Variants in SYNE2 observed in about 807,000 individuals in gnomAD.
The protein encoded by SYNE2 is nesprin-2.
Under a neutral mutation model 856.3 loss-of-function variants are expected in SYNE2, and 431 were observed. The observed-to-expected ratio is 0.50, with a 90% CI of 0.47 to 0.55. The LOEUF is 0.55. Among genes scored for constraint, SYNE2 ranks in the 20% least tolerant of loss-of-function variants. The pLI is 0.00. For missense variants in SYNE2, 8,129 were observed against 8,023.2 expected (o/e 1.01, Z -0.50); for synonymous variants, 2,923 against 2,872.3 (o/e 1.02, Z -0.56).
At chr14:63,961,872 T>G (rs984829057) in intron 9 of SYNE2, among the ~76,000 whole-genome samples, 1 of 151,964 alleles carries the variant, frequency 6.6e-6, no homozygotes, top group Non-Finnish European at 1.5e-5. Context: ...TACTGTAGAT[T>G]AGTGTTGAAT....
intron 1 of SYNE2, among the ~76,000 whole-genome samples, chr14:63,889,031 G>A (rs1485984082): frequency 7.9e-6 from 1 of 126,120 alleles, no homozygotes; most frequent in Non-Finnish European, 1.6e-5. Flanking sequence ...GTGAAAACTT[G>A]TCTCTACTAA....
At chr14:64,219,469 A>G (rs905758309) in intron 110 of SYNE2, 59 bp downstream of exon 110, 110 of 1,551,770 alleles carry the variant, frequency 7.1e-5, no homozygotes, top group Admixed American at 8.5e-5. Flanking sequence ...ACGCATTGCT[A>G]TGCTGGACGA....
chr14:64,072,503 CTTTT>C (rs35527459), intron 52 of SYNE2, among the ~76,000 whole-genome samples: 1 of 143,854 alleles, frequency 7.0e-6, no homozygotes. Flanking sequence ...TATACTTCTC[CTTTT>C]TTTTTTTTTT....
At chr14:63,818,756 T>C (rs1889104416) in intron 1 of SYNE2, among the ~76,000 whole-genome samples, 1 of 149,266 alleles carries the variant, frequency 6.7e-6, no homozygotes, top group Non-Finnish European at 1.5e-5. Context: ...TGGAGTGCAG[T>C]GGCTCGATCT....
intron 45 of SYNE2, among the ~76,000 whole-genome samples, chr14:64,043,753 C>G (rs1370725482): frequency 2.0e-5 from 3 of 152,216 alleles, no homozygotes; most frequent in African/African-American, 7.2e-5. Flanking sequence ...GTGGAAACAC[C>G]TGGATGCCAA....
rs2097488863 is a variant in SYNE2 at position 64,078,472 on chromosome 14, A to G, written c.11029A>G (p.Asn3677Asp). 3 of 1,613,906 alleles carry G rather than the reference A, an allele frequency of 1.9e-6. No homozygotes were observed. The highest frequency in any genetic ancestry group is 2.5e-6 in the Non-Finnish European group (3 of 1,179,966). ...ALEDIDEKIS[N>D]EVLKSSPSYA... ...GTCTTTGTCTCTTTCACAGATTAGC[A>G]ATGAAGTCTTAAAAAGCTCACCATC... Residue 3677 changes from asparagine (N) to aspartate (D), a missense_variant, in exon 55 of 116, where the codon AAT becomes GAT. Asn to Asp is a conservative substitution (Grantham distance 23). Transcript: ENST00000555002.
At chr14:64,067,075 C>T (rs1051240674) in intron 51 of SYNE2, among the ~76,000 whole-genome samples, 1 of 152,162 alleles carries the variant, frequency 6.6e-6, no homozygotes, top group African/African-American at 2.4e-5. Flanking sequence ...CACATTATTG[C>T]TATATACCCA....
intron 63 of SYNE2, among the ~76,000 whole-genome samples, chr14:64,101,217 A>T (rs1198667935): frequency 1.3e-5 from 2 of 151,956 alleles, no homozygotes; most frequent in South Asian, 4.2e-4. Context: ...GAACTTTGAT[A>T]CTGTACCAAT....
Position 64,007,055 on chromosome 14 carries a change from A to T in SYNE2, c.4410A>T (p.Leu1470Phe). 1 of 1,612,998 alleles carries T rather than the reference A, an allele frequency of 6.2e-7. No individual in the cohort carries two copies. Among genetic ancestry groups the T allele is most frequent in the East Asian group, 2.2e-5 (1 of 44,860 alleles). Residue 1470 changes from leucine (L) to phenylalanine (F), a missense_variant, in exon 31 of 116, where the codon TTA becomes TTT. Physicochemically the swap from Leu to Phe is conservative, Grantham distance 22. Transcript: ENST00000555002. ...VPAVKHRKKS[L>F]IRLDKVLDEY... ...ATTCATAATCAAGGAAAAAATCATT[A>T]ATCAGACTGGATAAGGTTCTAGATG...
intron 1 of SYNE2, among the ~76,000 whole-genome samples, chr14:63,823,121 A>C (rs1433468169): frequency 6.6e-6 from 1 of 152,096 alleles, no homozygotes; most frequent in African/African-American, 2.4e-5. Flanking sequence ...AATAAAAAAG[A>C]AAGAAATCTC....
chr14:63,947,465 A>G (rs1262235), intron 6 of SYNE2, among the ~76,000 whole-genome samples: 105,057 of 152,162 alleles, frequency 0.69, 36,483 homozygotes, highest in South Asian at 0.77. Context: ...AGAATGAATC[A>G]ATTTTGTATG....
At chr14:64,202,685 C>A in intron 99 of SYNE2, 116 bp from the exon 100 acceptor site, 2 of 1,358,614 alleles carry the variant, frequency 1.5e-6, no homozygotes, top group Non-Finnish European at 1.0e-6. Flanking sequence ...AAAATAGATT[C>A]TTTTTTACCC....
chr14:63,977,379 A>C (rs2096552381), intron 12 of SYNE2, among the ~76,000 whole-genome samples: 1 of 151,896 alleles, frequency 6.6e-6, no homozygotes, highest in African/African-American at 2.4e-5. Context: ...CACCCGGCTA[A>C]TTTTTTGTAT....
intron 96 of SYNE2, among the ~76,000 whole-genome samples, chr14:64,183,968 TGGGGAGGGGGA>T (rs1370657365): frequency 0.015 from 80 of 5,232 alleles, no homozygotes; most frequent in East Asian, 0.043. Flanking sequence ...AGGGAGGGGG[TGGGGAGGGGGA>T]GGGGAGGGGG....
At chr14:63,800,127 CTG>C (rs1488954045) in intron 1 of SYNE2, among the ~76,000 whole-genome samples, 1 of 152,210 alleles carries the variant, frequency 6.6e-6, no homozygotes, top group Admixed American at 6.5e-5. Context: ...CCCTTTAACT[CTG>C]TGACCTGTGT....
Position 64,165,420 on chromosome 14 carries a change from A to G in SYNE2, c.16605+10A>G, listed in dbSNP as rs761193543. On this transcript the variant is annotated intron_variant, in intron 90 of 115. Transcript: ENST00000555002. ...TCCTGACTCATTCCTGGTATTGCCA[A>G]TATTTGTCTTTTCTAAGGGCTTAGA... 9.9e-6 allele frequency: 16 copies of G among 1,613,312 alleles called. No homozygotes were observed. The highest frequency in any genetic ancestry group is 1.7e-5 in the Admixed American group (1 of 60,006).
In SYNE2 at chr14:63,976,714, T is replaced by C. The variant is rs1349119033; in HGVS notation, c.1280T>C (p.Met427Thr). 6.2e-7 allele frequency: 1 copy of C among 1,612,858 alleles called. No homozygotes were observed. Among genetic ancestry groups the C allele is most frequent in the Non-Finnish European group, 8.5e-7 (1 of 1,179,738 alleles). Residue 427 changes from methionine to threonine, a missense_variant, in exon 12 of 116, where the codon ATG becomes ACG. Met to Thr is a moderately conservative substitution (Grantham distance 81). Around this residue, in one of 3 missense-constraint regions of SYNE2, gnomAD observed 2,422 missense variants for 2,357.4 expected, o/e 1.03. Coordinates refer to ENST00000555002, the MANE Select transcript of SYNE2 (RefSeq NM_182914.3). ...SQAVTLIQEK[M>T]TLFKSLMDRF... ...GCCGTGACTCTGATACAAGAGAAAA[T>C]GACTTTATTCAAGGTTGGAAAAGAA...
intron 1 of SYNE2, among the ~76,000 whole-genome samples, chr14:63,903,416 G>A (rs959026800): frequency 1.1e-4 from 17 of 152,160 alleles, no homozygotes; most frequent in Admixed American, 3.3e-4. Flanking sequence ...TAGACATCCA[G>A]CTATTTTAAG....
At chr14:64,123,766 AATTCT>A (rs879866576) in intron 70 of SYNE2, among the ~76,000 whole-genome samples, 13 of 152,170 alleles carry the variant, frequency 8.5e-5, no homozygotes, top group Non-Finnish European at 1.3e-4. Context: ...AAGAGACTTG[AATTCT>A]ATTCTAATAG....
Sources: allele counts gnomAD v4.1 joint callset (sites outside exome capture counted in the v4.1 genomes callset), GRCh38; gene constraint gnomAD v4.1.1; regional missense constraint gnomAD v4.1.1; transcripts MANE v1.5; gene names NCBI Gene and HGNC (gene_info 2026-07-23, HGNC 2026-07-21).